OR3A2: variants seen among roughly 807,000 people sequenced by gnomAD.
OR3A2 encodes the protein olfactory receptor family 3 subfamily A member 2.
For synonymous variants in OR3A2, 126 were observed against 159.3 expected (o/e 0.79, Z 1.57); for missense variants, 318 against 392.8 (o/e 0.81, Z 1.61).
At chr17:3,350,635 A>G (rs1204027447) in intron 2 of OR3A2, among the ~76,000 whole-genome samples, 1 of 150,258 alleles carries the variant, frequency 6.7e-6, no homozygotes, top group Non-Finnish European at 1.5e-5. Context: ...TCCTTCTGAA[A>G]CTATTCCAAT....
intron 3 of OR3A2, chr17:3,310,154 T>C (rs231679): frequency 0.51 from 181,524 of 354,410 alleles, 50,252 homozygotes; most frequent in East Asian, 0.95. Flanking sequence ...AATCTTCAAC[T>C]TCCTTCCCCT....
intron 3 of OR3A2, among the ~76,000 whole-genome samples, chr17:3,316,803 CTG>C (rs1207082030): frequency 6.6e-6 from 1 of 152,152 alleles, no homozygotes; most frequent in Non-Finnish European, 1.5e-5. Context: ...GTGATAATGA[CTG>C]TGGGTGCAAT....
At chr17:3,369,701 T>C (rs2049595529) in intron 2 of OR3A2, among the ~76,000 whole-genome samples, 1 of 152,148 alleles carries the variant, frequency 6.6e-6, no homozygotes, top group Non-Finnish European at 1.5e-5. Context: ...TCTTTTTTTG[T>C]TATGTCCTTT....
chr17:3,385,416 G>C (rs1399638644), intron 1 of OR3A2, among the ~76,000 whole-genome samples: 1 of 152,156 alleles, frequency 6.6e-6, no homozygotes, highest in African/African-American at 2.4e-5. Context: ...AGATCACATA[G>C]ACAGCAAAGA....
At chr17:3,373,150 C>T (rs1224851707) in intron 2 of OR3A2, among the ~76,000 whole-genome samples, 1 of 152,078 alleles carries the variant, frequency 6.6e-6, no homozygotes, top group Admixed American at 6.5e-5. Context: ...CCACTGTGGT[C>T]TAAGAGAGTA....
chr17:3,339,475 T>C (rs2049298645), intron 2 of OR3A2, among the ~76,000 whole-genome samples: 1 of 152,232 alleles, frequency 6.6e-6, no homozygotes. Flanking sequence ...ATTGAGTTTT[T>C]AGCATGAAAG....
intron 2 of OR3A2, among the ~76,000 whole-genome samples, chr17:3,348,918 A>G (rs2049394278): frequency 6.6e-6 from 1 of 152,066 alleles, no homozygotes; most frequent in Non-Finnish European, 1.5e-5. Flanking sequence ...AGAATTTCAT[A>G]TCCAGCCAAA....
intron 2 of OR3A2, among the ~76,000 whole-genome samples, chr17:3,357,723 ATT>A (rs147628720): frequency 6.6e-6 from 1 of 151,156 alleles, no homozygotes; most frequent in African/African-American, 2.5e-5. Flanking sequence ...ATAATTTTTA[ATT>A]TTTTTTATAG....
upstream of OR3A2, among the ~76,000 whole-genome samples, chr17:3,285,539 A>C (rs1455445640): frequency 1.3e-5 from 2 of 152,220 alleles, no homozygotes; most frequent in Admixed American, 1.3e-4. Context: ...TTGTAATCTT[A>C]GCACTCTGGG....
At chr17:3,343,936 C>T (rs2049342072) in intron 2 of OR3A2, among the ~76,000 whole-genome samples, 1 of 152,178 alleles carries the variant, frequency 6.6e-6, no homozygotes, top group South Asian at 2.1e-4. Context: ...TCACCATGGA[C>T]AACCTATGTC....
intron 3 of OR3A2, among the ~76,000 whole-genome samples, chr17:3,300,692 CT>C (rs35955034): frequency 0.47 from 70,402 of 150,342 alleles, 17,816 homozygotes; most frequent in East Asian, 0.96. Flanking sequence ...AAATTTTTTT[CT>C]TTTTTTTTTA....
chr17:3,372,529 G>T (rs1335308077), intron 2 of OR3A2, among the ~76,000 whole-genome samples: 2 of 151,974 alleles, frequency 1.3e-5, no homozygotes, highest in African/African-American at 4.8e-5. Flanking sequence ...TCCAGCCTGG[G>T]CACCATTGAG....
At chr17:3,321,577 T>C (rs1390335611) in intron 3 of OR3A2, among the ~76,000 whole-genome samples, 1 of 152,024 alleles carries the variant, frequency 6.6e-6, no homozygotes, top group African/African-American at 2.4e-5. Context: ...TTATTGAGAG[T>C]TTTTAGCATG....
chr17:3,340,939 C>G (rs12603696), intron 2 of OR3A2, among the ~76,000 whole-genome samples: 16 of 151,670 alleles, frequency 1.1e-4, no homozygotes, highest in Admixed American at 7.2e-4. Flanking sequence ...CTTTATGAAT[C>G]TGGGTGCTCC....
At chr17:3,342,734 G>A (rs2049330045) in intron 2 of OR3A2, among the ~76,000 whole-genome samples, 1 of 152,226 alleles carries the variant, frequency 6.6e-6, no homozygotes, top group African/African-American at 2.4e-5. Flanking sequence ...CTACCTGGGG[G>A]TCAGGGACCC....
chr17:3,291,910 C>T (rs372898311), intron 3 of OR3A2: 13 of 1,614,204 alleles, frequency 8.1e-6, no homozygotes, highest in African/African-American at 1.3e-5. Flanking sequence ...ACTGCAGCTG[C>T]CACGTGGATA....
intron 3 of OR3A2, chr17:3,312,012 A>C (rs2049048298): frequency 6.5e-6 from 1 of 153,764 alleles, no homozygotes; most frequent in Admixed American, 6.4e-5. Flanking sequence ...AGGTATGGGC[A>C]GGAAAAATCC....
intron 3 of OR3A2, among the ~76,000 whole-genome samples, chr17:3,331,746 C>G (rs1384616809): frequency 4.6e-5 from 7 of 152,096 alleles, no homozygotes; most frequent in East Asian, 3.9e-4. Context: ...AGCTTTGTTC[C>G]ATTGCTGGTG....
At chr17:3,309,331 T>C (rs1165466869) in intron 3 of OR3A2, among the ~76,000 whole-genome samples, 1 of 152,104 alleles carries the variant, frequency 6.6e-6, no homozygotes, top group Non-Finnish European at 1.5e-5. Context: ...AAATAGCATG[T>C]GTGTTGGATG....
Sources: gnomAD v4.1 joint callset for allele counts (sites outside exome capture counted in the v4.1 genomes callset) on GRCh38, gnomAD v4.1.1 for gene constraint, MANE v1.5 for transcripts, NCBI Gene and HGNC (gene_info 2026-07-23, HGNC 2026-07-21) for gene names.